TPMT: variants seen among roughly 807,000 people sequenced by gnomAD.
The protein encoded by TPMT is thiopurine S-methyltransferase, also known as S-adenosyl-L-methionine:thiopurine S-methyltransferase.
Under a neutral mutation model 34.2 loss-of-function variants are expected in TPMT, and 18 were observed. That is an observed-to-expected ratio of 0.53 (90% CI 0.36 to 0.78). TPMT has a LOEUF of 0.78. Ranked by LOEUF, TPMT falls within the 30% of genes least tolerant of loss-of-function variation. The pLI, the probability that TPMT is intolerant of heterozygous loss-of-function variation, is 0.00. For missense variants in TPMT, 265 were observed against 288.1 expected (o/e 0.92, Z 0.58); for synonymous variants, 69 against 92.4 (o/e 0.75, Z 1.45).
At position 18,132,827 on chromosome 6, in the gene TPMT, C is replaced by T. The variant is rs1168540758; in HGVS notation, c.581-650G>A. ...ACAAAATACTAGCTGGGAACGGTGG[C>T]TCACGCCTGTAATCCCAGCACTTTG... is the stretch of plus-strand genomic sequence containing the variant. On this transcript the variant is annotated intron_variant, in intron 7 of 8. Transcript: ENST00000309983. This position sits in a 1 kb window ranked among gnomAD's most constrained non-coding sequence, Gnocchi z 4.8. 1.3e-5 allele frequency among the ~76,000 whole-genome samples: 2 copies of T among 152,042 alleles called. No homozygotes were observed. Among genetic ancestry groups the T allele is most frequent in the Non-Finnish European group, 2.9e-5 (2 of 68,024 alleles).
intron 3 of TPMT, among the ~76,000 whole-genome samples, chr6:18,144,680 T>A (rs1313734449): frequency 6.8e-6 from 1 of 146,580 alleles, no homozygotes; most frequent in African/African-American, 2.5e-5. Flanking sequence ...CACCCGGGCT[T>A]TTCCTGGTAA....
rs1296018595 is a variant in TPMT at position 18,135,856 on chromosome 6, T to C, written c.495-1967A>G. Among the ~76,000 whole-genome samples, 4 of 151,582 alleles carry C rather than the reference T, an allele frequency of 2.6e-5. No homozygotes were observed. Among genetic ancestry groups the C allele is most frequent in the Non-Finnish European group, 4.4e-5 (3 of 67,890 alleles). On this transcript the variant is annotated intron_variant, in intron 6 of 8. Coordinates refer to ENST00000309983, the MANE Select transcript of TPMT (RefSeq NM_000367.5). This position sits in a 1 kb window ranked among gnomAD's most constrained non-coding sequence, Gnocchi z 5.0. ...TGCACTCCAGCCTGGGCAACAAGAG[T>C]GGAACTCCATCTCAAAAAAAAACCC... is the stretch of plus-strand genomic sequence containing the variant.
rs1784090076 is a variant in TPMT, at chr6:18,138,898, A to T, written c.494+65T>A. 3.0e-6 allele frequency: 4 copies of T among 1,345,714 alleles called. No individual in the cohort carries two copies. Among genetic ancestry groups the T allele is most frequent in the African/African-American group, 1.5e-5 (1 of 68,466 alleles). 83.4% of individuals were successfully genotyped at this position (1,345,714 alleles called of 1,614,324 possible). On this transcript the variant is annotated intron_variant, in intron 6 of 8. Transcript: ENST00000309983. This position sits in a 1 kb window ranked among gnomAD's most constrained non-coding sequence, Gnocchi z 4.1. ...TAGAAGTCTAAGCTGATTTTCTAGA[A>T]CCCAGAAAAAGTATAGTATACTAAA...
rs1285214953 is a variant in TPMT, at chr6:18,149,232, A to C, written c.-44-61T>G. On this transcript the variant is annotated intron_variant, in intron 1 of 8. Transcript: ENST00000309983. The surrounding 1 kb of genome is among the most constrained non-coding windows in gnomAD (Gnocchi z 5.0). ...GTCATTGGAATTCTATTGATGAACT[A>C]AATGAAAACCTATTATTCTTAGCAG... is the stretch of plus-strand genomic sequence containing the variant. 7.3e-7 allele frequency: 1 copy of C among 1,361,614 alleles called. No homozygotes were observed. Among genetic ancestry groups the C allele is most frequent in the Non-Finnish European group, 1.0e-6 (1 of 958,078 alleles). The allele number at this position is 1,361,614 out of a possible 1,614,324, so 84.3% of individuals were successfully genotyped here.
In TPMT at chr6:18,128,719, TTTTC is replaced by T. The variant is rs1157512418; in HGVS notation, c.*1945_*1948del. ...AGTCAACTTGCCTTTCTTTTTTTTC[TTTTC>T]TTTTTCTTTCTTTTGAGACAGAGTC... On this transcript the variant is annotated 3_prime_UTR_variant, in exon 9 of 9. Transcript: ENST00000309983. This position sits in a 1 kb window ranked among gnomAD's most constrained non-coding sequence, Gnocchi z 4.6. 11 of 152,236 alleles carry T rather than the reference TTTTC, an allele frequency of 7.2e-5. No individual in the cohort carries two copies. Among genetic ancestry groups the T allele is most frequent in the African/African-American group, 2.7e-4 (11 of 41,116 alleles). 9.4% of individuals were successfully genotyped at this position (152,236 alleles called of 1,614,324 possible). A position where few individuals can be genotyped will look rare whatever the true frequency, so the allele number is the denominator to read the frequency against.
chr6:18,142,141 T>G (rs1050014990), intron 4 of TPMT, among the ~76,000 whole-genome samples: 1 of 151,920 alleles, frequency 6.6e-6, no homozygotes, highest in African/African-American at 2.4e-5. Context: ...ACCTGGCAGG[T>G]TTTTTCCTCT....
Position 18,135,444 on chromosome 6 carries a change from C to A in TPMT, c.495-1555G>T, listed in dbSNP as rs889601988. On this transcript the variant is annotated intron_variant, in intron 6 of 8. Transcript: ENST00000309983. This position sits in a 1 kb window ranked among gnomAD's most constrained non-coding sequence, Gnocchi z 5.0. ...AGTCACAGCAGAAAATACATCAGTA[C>A]TTGACAATGTACAATCTAAGGAGAA... 6.6e-6 allele frequency among the ~76,000 whole-genome samples: 1 copy of A among 152,186 alleles called. No individual in the cohort carries two copies. The highest frequency in any genetic ancestry group is 1.5e-5 in the Non-Finnish European group (1 of 68,036).
chr6:18,142,835 G>A (rs1196036798), intron 4 of TPMT, among the ~76,000 whole-genome samples: 2 of 151,914 alleles, frequency 1.3e-5, no homozygotes, highest in African/African-American at 4.8e-5. Context: ...CGCTCCTTTG[G>A]TCCTCATTCG....
chr6:18,134,003 A>C, intron 6 of TPMT, 114 bp from the exon 7 acceptor site: 1 of 776,236 alleles, frequency 1.3e-6, no homozygotes, highest in Non-Finnish European at 2.2e-6. Flanking sequence ...ACTGAGTTTA[A>C]ATTCTCCTAA....
Position 18,139,672 on chromosome 6 carries a change from G to C in TPMT, c.412C>G (p.Leu138Val). 1 of 1,613,178 alleles carries C rather than the reference G, an allele frequency of 6.2e-7. No homozygotes were observed. Among genetic ancestry groups the C allele is most frequent in the Non-Finnish European group, 8.5e-7 (1 of 1,179,544 alleles). ...ATGTAGTATTCAACCTACCTGGGAA[G>C]ATCAAAAATACTGCAACAGTACAAT... Reference protein sequence around the residue: ...ISLYCCSIFDLPRTNIGKFDM... With the variant: ...ISLYCCSIFDVPRTNIGKFDM... Residue 138 changes from leucine to valine, a missense_variant, in exon 5 of 9, where the codon CTT becomes GTT. Transcript: ENST00000309983. This position sits in a 1 kb window ranked among gnomAD's most constrained non-coding sequence, Gnocchi z 4.2.
Position 18,131,784 on chromosome 6 carries a change from G to GC in TPMT, c.625+348_625+349insG, listed in dbSNP as rs1783948220. 6.9e-6 allele frequency among the ~76,000 whole-genome samples: 1 copy of GC among 145,038 alleles called. No individual in the cohort carries two copies. Among genetic ancestry groups the GC allele is most frequent in the Non-Finnish European group, 1.5e-5 (1 of 65,536 alleles). ...CTAATATACTAATAGTTCACAATAG[G>GC]TTTTTTTTTTTTAGATGGAGTCTCA... On this transcript the variant is annotated intron_variant, in intron 8 of 8. Coordinates refer to ENST00000309983, the MANE Select transcript of TPMT (RefSeq NM_000367.5). The surrounding 1 kb of genome is among the most constrained non-coding windows in gnomAD (Gnocchi z 4.3).
Position 18,147,069 on chromosome 6 carries a change from C to A in TPMT, c.233+754G>T, listed in dbSNP as rs149505427. On this transcript the variant is annotated intron_variant, in intron 3 of 8. Transcript: ENST00000309983. ...CCTCCCAAAGTGCTGGGATTACAGG[C>A]GGAGGCCACCACACCTGGCGCATTT... 7.9e-3 allele frequency among the ~76,000 whole-genome samples: 1,199 copies of A among 151,572 alleles called. 15 individuals are homozygous for A. Among genetic ancestry groups the A allele is most frequent in the African/African-American group, 0.028 (1,153 of 40,988 alleles).
Position 18,143,288 on chromosome 6 carries a change from A to G in TPMT, c.366+308T>C, listed in dbSNP as rs1582043981. The stretch of plus-strand genomic sequence containing the variant: ...GTGCTGTGTTATCTTTATCTCTTCA[A>G]TGTCTTAGGCAGGGTCTGGCACATG... On this transcript the variant is annotated intron_variant, in intron 4 of 8. Coordinates refer to ENST00000309983, the MANE Select transcript of TPMT (RefSeq NM_000367.5). The surrounding 1 kb of genome is among the most constrained non-coding windows in gnomAD (Gnocchi z 6.1). Among the ~76,000 whole-genome samples the G allele has an allele frequency of 6.6e-6, 1 of 152,146 alleles. No homozygotes were observed. The highest frequency in any genetic ancestry group is 1.9e-4 in the East Asian group (1 of 5,168).
chr6:18,155,153 CCG>C (rs1561895622), upstream of TPMT: 3,356 of 42,002 alleles, frequency 0.08, 108 homozygotes, highest in Middle Eastern at 0.14. This position sits in a 1 kb window ranked among gnomAD's most constrained non-coding sequence, Gnocchi z 6.2. Context: ...CGCCCCGCCT[CCG>C]CCCGCGCCCC....
At position 18,143,530 on chromosome 6, in the gene TPMT, A is replaced by C. The variant is rs879344848; in HGVS notation, c.366+66T>G. The C allele has an allele frequency of 6.3e-7, 1 of 1,593,568 alleles. No individual in the cohort carries two copies. Among genetic ancestry groups the C allele is most frequent in the African/African-American group, 1.3e-5 (1 of 74,480 alleles). On this transcript the variant is annotated intron_variant, in intron 4 of 8. Transcript: ENST00000309983. The surrounding 1 kb of genome is among the most constrained non-coding windows in gnomAD (Gnocchi z 6.1). ...CGGACACATGAATGGTATCCTCATA[A>C]TACTCACACTGAGAAAAACTTTTGT...
rs962807632 is a variant in TPMT, at chr6:18,148,113, G to A, written c.141-198C>T. Among the ~76,000 whole-genome samples, 11 of 151,990 alleles carry A rather than the reference G, an allele frequency of 7.2e-5. No homozygotes were observed. Among genetic ancestry groups the A allele is most frequent in the Non-Finnish European group, 1.5e-4 (10 of 68,002 alleles). On this transcript the variant is annotated intron_variant, in intron 2 of 8. Coordinates refer to ENST00000309983, the MANE Select transcript of TPMT (RefSeq NM_000367.5). The surrounding 1 kb of genome is among the most constrained non-coding windows in gnomAD (Gnocchi z 4.1). ...AGTGGTAAATCTGACTTACACCCAG[G>A]GCTTTCCTGATTAGTAATTAAAAAT...
rs1174009448 is a variant in TPMT, at chr6:18,138,179, TCA to T, written c.494+782_494+783del. ...GACAAGTAACTTAATCTCTTTGACCTCAGTTTCCTCATCTGTATAATGGAATA... is the reference window on the plus strand; with the variant it reads ...GACAAGTAACTTAATCTCTTTGACCTGTTTCCTCATCTGTATAATGGAATA... On this transcript the variant is annotated intron_variant, in intron 6 of 8. Transcript: ENST00000309983. This position sits in a 1 kb window ranked among gnomAD's most constrained non-coding sequence, Gnocchi z 4.1. Among the ~76,000 whole-genome samples, 1 of 152,122 alleles carries T rather than the reference TCA, an allele frequency of 6.6e-6. No homozygotes were observed. Among genetic ancestry groups the T allele is most frequent in the East Asian group, 1.9e-4 (1 of 5,196 alleles).
chr6:18,141,024 C>G (rs978786784), intron 4 of TPMT, among the ~76,000 whole-genome samples: 2 of 152,180 alleles, frequency 1.3e-5, no homozygotes, highest in Admixed American at 6.5e-5. Flanking sequence ...AGGAGAACAG[C>G]TGGATCTCAA....
In TPMT at chr6:18,131,842, A is replaced by G. The variant is rs183757436; in HGVS notation, c.625+291T>C. On this transcript the variant is annotated intron_variant, in intron 8 of 8. Coordinates refer to ENST00000309983, the MANE Select transcript of TPMT (RefSeq NM_000367.5). The surrounding 1 kb of genome is among the most constrained non-coding windows in gnomAD (Gnocchi z 4.3). ...ACCCACGCTGGAGTGCAGTGGCACA[A>G]TCTTGGCTCACTACACTCTCTGCCT... 1.3e-5 allele frequency among the ~76,000 whole-genome samples: 2 copies of G among 152,168 alleles called. No individual in the cohort carries two copies. Among genetic ancestry groups the G allele is most frequent in the Admixed American group, 6.5e-5 (1 of 15,274 alleles).
Sources: allele counts gnomAD v4.1 joint callset (sites outside exome capture counted in the v4.1 genomes callset), GRCh38; gene constraint gnomAD v4.1.1; non-coding constraint Gnocchi (gnomAD v3.1); transcripts MANE v1.5; gene names NCBI Gene and HGNC (gene_info 2026-07-23, HGNC 2026-07-21).